The following NOVA1 variants were observed in gnomAD, a reference collection of about 807,000 sequenced individuals.
NOVA1 encodes the protein RNA-binding protein Nova-1.
Under a neutral mutation model 38.0 loss-of-function variants are expected in NOVA1, and 7 were observed. The ratio of observed to expected loss-of-function variants is 0.18; its 90% CI spans 0.10 to 0.35. The LOEUF is 0.35. Among genes scored for constraint, NOVA1 ranks in the 10% least tolerant of loss-of-function variants. The probability of loss-of-function intolerance (pLI) is 1.00; values close to 1 mark genes in which losing one functional copy is unlikely to be tolerated. For synonymous variants in NOVA1, 270 were observed against 232.5 expected (o/e 1.16, Z -1.47); for missense variants, 460 against 616.0 (o/e 0.75, Z 2.68).
chr14:26,454,124 T>C (rs1882957277), intron 4 of NOVA1, among the ~76,000 whole-genome samples: 1 of 151,284 alleles, frequency 6.6e-6, no homozygotes, highest in Non-Finnish European at 1.5e-5. Context: ...AAGCTACACA[T>C]AAAATACACT....
At chr14:26,521,675 A>G (rs1178933607) in intron 2 of NOVA1, among the ~76,000 whole-genome samples, 1 of 152,096 alleles carries the variant, frequency 6.6e-6, no homozygotes, top group Non-Finnish European at 1.5e-5. Flanking sequence ...ATATAATAGT[A>G]TGAAAATATC....
At chr14:26,518,299 G>A (rs145514493) in intron 2 of NOVA1, among the ~76,000 whole-genome samples, 1 of 151,962 alleles carries the variant, frequency 6.6e-6, no homozygotes, top group Non-Finnish European at 1.5e-5. Context: ...TGTTATCTAA[G>A]TTTTCTGTAG....
chr14:26,522,160 T>C (rs926158371), intron 2 of NOVA1, among the ~76,000 whole-genome samples: 2 of 152,158 alleles, frequency 1.3e-5, no homozygotes, highest in Non-Finnish European at 1.5e-5. Flanking sequence ...TATAGAATTA[T>C]AATAGATTTT....
intron 1 of NOVA1, chr14:26,596,775 G>A (rs1466955815): frequency 5.8e-6 from 7 of 1,209,292 alleles, no homozygotes; most frequent in Non-Finnish European, 7.4e-6. Flanking sequence ...GTGCGGTAAG[G>A]GCATGCACTC....
intron 2 of NOVA1, among the ~76,000 whole-genome samples, chr14:26,493,595 C>T (rs990270714): frequency 1.3e-5 from 2 of 152,148 alleles, no homozygotes; most frequent in Non-Finnish European, 2.9e-5. Flanking sequence ...ACCCAGTCTT[C>T]CTCTGGACTG....
chr14:26,563,247 C>T (rs191820158), intron 2 of NOVA1, among the ~76,000 whole-genome samples: 27 of 151,356 alleles, frequency 1.8e-4, no homozygotes, highest in African/African-American at 6.3e-4. Context: ...GCAGAAGCAA[C>T]CTTAAGGCAA....
chr14:26,589,223 T>C (rs1170933403), intron 2 of NOVA1, among the ~76,000 whole-genome samples: 1 of 151,674 alleles, frequency 6.6e-6, no homozygotes, highest in Non-Finnish European at 1.5e-5. Context: ...TTTGAATATA[T>C]TGTCTATTTA....
chr14:26,596,630 G>C, intron 1 of NOVA1: 1 of 1,289,120 alleles, frequency 7.8e-7, no homozygotes, highest in Non-Finnish European at 1.0e-6. Flanking sequence ...ATGAAGAAGC[G>C]ATATCGGTCC....
At position 26,576,706 on chromosome 14, in the gene NOVA1, C is replaced by T. The variant is rs372989429; in HGVS notation, c.280+18704G>A. 5.9e-5 allele frequency among the ~76,000 whole-genome samples: 9 copies of T among 151,674 alleles called. 1 individual carries two copies. The South Asian group carries it at 1.9e-3, about 31-fold the overall frequency. On this transcript the variant is annotated intron_variant, in intron 2 of 4. Coordinates refer to ENST00000539517, the MANE Select transcript of NOVA1 (RefSeq NM_002515.3). ...TTTTATTTTTATATAATCTAATGAA[C>T]AGGTATTATTCAGAACTTTCTTACT...
chr14:26,571,372 T>G (rs1594556041), intron 2 of NOVA1, among the ~76,000 whole-genome samples: 1 of 152,238 alleles, frequency 6.6e-6, no homozygotes, highest in East Asian at 1.9e-4. Flanking sequence ...AGATACTATC[T>G]TTTCACTCTG....
At chr14:26,484,606 T>C (rs1369973580) in intron 2 of NOVA1, among the ~76,000 whole-genome samples, 2 of 152,142 alleles carry the variant, frequency 1.3e-5, no homozygotes, top group East Asian at 3.9e-4. Context: ...ATAGATACTC[T>C]CTTTCTACTT....
chr14:26,496,485 C>G (rs1886796466), intron 2 of NOVA1, among the ~76,000 whole-genome samples: 1 of 151,946 alleles, frequency 6.6e-6, no homozygotes, highest in Non-Finnish European at 1.5e-5. Flanking sequence ...TGTGCAGAAG[C>G]TCTTTAGTTT....
At chr14:26,469,542 G>A (rs1594351255) in intron 4 of NOVA1, among the ~76,000 whole-genome samples, 1 of 152,128 alleles carries the variant, frequency 6.6e-6, no homozygotes, top group Non-Finnish European at 1.5e-5. Flanking sequence ...TCTAGGAAGA[G>A]GTAACTGTTC....
At chr14:26,588,405 T>A (rs900567018) in intron 2 of NOVA1, 1 of 151,446 alleles carries the variant, frequency 6.6e-6, no homozygotes, top group Admixed American at 6.6e-5. Flanking sequence ...CTTACCTTAA[T>A]CATTTTGCTG....
At chr14:26,521,862 A>G (rs1888923257) in intron 2 of NOVA1, among the ~76,000 whole-genome samples, 1 of 152,100 alleles carries the variant, frequency 6.6e-6, no homozygotes, top group Non-Finnish European at 1.5e-5. Flanking sequence ...TATATTGACA[A>G]AATTCAAATA....
intron 2 of NOVA1, among the ~76,000 whole-genome samples, chr14:26,486,252 T>C (rs1481188054): frequency 6.6e-6 from 1 of 152,166 alleles, no homozygotes; most frequent in Admixed American, 6.5e-5. Flanking sequence ...GTGGTATCTA[T>C]TCTTTTAGTT....
chr14:26,563,841 G>A (rs759063045), intron 2 of NOVA1, among the ~76,000 whole-genome samples: 4 of 152,128 alleles, frequency 2.6e-5, no homozygotes, highest in East Asian at 3.9e-4. Flanking sequence ...CTTTATGAGC[G>A]TTTTCAGAGA....
chr14:26,451,677 T>C (rs1882694717), intron 4 of NOVA1, among the ~76,000 whole-genome samples: 1 of 152,184 alleles, frequency 6.6e-6, no homozygotes, highest in Admixed American at 6.5e-5. Context: ...CTCAAAAACT[T>C]TGAAATAATA....
At chr14:26,517,135 G>A (rs1888527908) in intron 2 of NOVA1, among the ~76,000 whole-genome samples, 2 of 152,062 alleles carry the variant, frequency 1.3e-5, no homozygotes, top group Admixed American at 1.3e-4. Flanking sequence ...TCGATCTCCT[G>A]ACCTTGTGAT....
Sources: gnomAD v4.1 joint callset for allele counts (sites outside exome capture counted in the v4.1 genomes callset) on GRCh38, gnomAD v4.1.1 for gene constraint, MANE v1.5 for transcripts, NCBI Gene and HGNC (gene_info 2026-07-23, HGNC 2026-07-21) for gene names.